The following HMGCS2 variants were observed in gnomAD, a reference collection of about 807,000 sequenced individuals.
HMGCS2 encodes the protein hydroxymethylglutaryl-CoA synthase, mitochondrial.
A neutral mutation model predicts 57.4 loss-of-function variants in HMGCS2; 50 were observed. The observed-to-expected ratio is 0.87, with a 90% confidence interval of 0.69 to 1.10. The LOEUF (loss-of-function observed/expected upper bound fraction) is 1.10, where lower values mean the gene tolerates loss of function less well. Ranked by LOEUF, HMGCS2 falls within the 50% of genes least tolerant of loss-of-function variation. The probability of loss-of-function intolerance (pLI) is 0.00; values close to 1 mark genes in which losing one functional copy is unlikely to be tolerated. For synonymous variants in HMGCS2, 254 were observed against 245.1 expected (o/e 1.04, Z -0.34); for missense variants, 627 against 636.5 (o/e 0.99, Z 0.16).
At chr1:119,759,522 G>A in intron 3 of HMGCS2, 1 of 588,264 alleles carries the variant, frequency 1.7e-6, no homozygotes, top group East Asian at 2.9e-5. Context: ...TAGAATAGAA[G>A]CCAACAGTCT....
In HMGCS2 at chr1:119,753,448, T is replaced by C. The variant is rs770705048; in HGVS notation, c.1188-62A>G. 433 of 615,622 alleles carry C rather than the reference T, an allele frequency of 7.0e-4. 1 individual carries two copies. The highest frequency in any genetic ancestry group is 2.5e-3 in the Admixed American group (103 of 40,472). 38.1% of individuals were successfully genotyped at this position (615,622 alleles called of 1,614,324 possible). The stretch of plus-strand genomic sequence containing the variant: ...ACACACACACACACACACACACACA[T>C]ATATGTATATATATATTATATTCTG... On this transcript the variant is annotated intron_variant, in intron 6 of 9. Transcript: ENST00000369406.
At position 119,759,183 on chromosome 1, in the gene HMGCS2, T is replaced by G; in HGVS notation, c.785A>C (p.Tyr262Ser). The change falls in exon 4 of 10, where the codon TAC (tyrosine) becomes TCC (serine). Residue 262 changes from tyrosine to serine, a missense_variant. By Grantham distance (144) the Tyr-to-Ser change is moderately radical. Transcript: ENST00000369406. ...GTAACATCGATCCAAGGCCCGCAAG[T>G]AGCACTGGATGGAAAGCTTCCCATC... The part of the protein sequence containing the change: ...IVDGKLSIQC[Y>S]LRALDRCYTS... The G allele has an allele frequency of 6.2e-7, 1 of 1,614,136 alleles. No individual in the cohort carries two copies. Among genetic ancestry groups the G allele is most frequent in the Non-Finnish European group, 8.5e-7 (1 of 1,180,014 alleles).
At position 119,755,662 on chromosome 1, in the gene HMGCS2, A is replaced by G. The variant is rs1652813164; in HGVS notation, c.1017-65T>C. The G allele has an allele frequency of 2.0e-6, 3 of 1,468,670 alleles. No individual in the cohort carries two copies. The African/African-American group carries it at 4.2e-5, about 20-fold the overall frequency. 91.0% of individuals were successfully genotyped at this position (1,468,670 alleles called of 1,614,324 possible). On this transcript the variant is annotated intron_variant, in intron 5 of 9. Coordinates refer to ENST00000369406, the MANE Select transcript of HMGCS2 (RefSeq NM_005518.4). ...GACGGGAGGCAGGGAGCAAGGGGGAAAAGTAACAGCTTCTGGAGAGGACTT... is the reference window on the plus strand; with the variant it reads ...GACGGGAGGCAGGGAGCAAGGGGGAGAAGTAACAGCTTCTGGAGAGGACTT...
intron 9 of HMGCS2, among the ~76,000 whole-genome samples, chr1:119,749,538 G>C (rs1488226581): frequency 6.6e-6 from 1 of 152,112 alleles, no homozygotes; most frequent in African/African-American, 2.4e-5. Flanking sequence ...ACAGTCTTCA[G>C]GGCTGCTAAC....
intron 5 of HMGCS2, 63 bp downstream of exon 5, chr1:119,757,210 T>C (rs915171128): frequency 6.2e-7 from 1 of 1,612,410 alleles, no homozygotes; most frequent in African/African-American, 1.3e-5. Context: ...ACTTAAGGCA[T>C]GAAGAAGCCT....
chr1:119,757,552 C>A, intron 4 of HMGCS2, 114 bp from the exon 5 acceptor site: 1 of 1,546,870 alleles, frequency 6.5e-7, no homozygotes, highest in South Asian at 1.2e-5. Context: ...AACTACTTCC[C>A]ACCTCCTGCA....
intron 9 of HMGCS2, among the ~76,000 whole-genome samples, chr1:119,749,607 G>A (rs1192231638): frequency 6.6e-6 from 1 of 152,002 alleles, no homozygotes; most frequent in African/African-American, 2.4e-5. Flanking sequence ...ACCTCTCCTA[G>A]CCCTAACAAC....
intron 5 of HMGCS2, 142 bp from the exon 6 acceptor site, chr1:119,755,739 A>G (rs74926350): frequency 2.2e-4 from 180 of 803,232 alleles, no homozygotes; most frequent in Non-Finnish European, 3.2e-4. Flanking sequence ...AGTACAGAGG[A>G]GAACATACCA....
intron 1 of HMGCS2, among the ~76,000 whole-genome samples, chr1:119,765,370 G>A (rs1653192562): frequency 6.6e-6 from 1 of 152,206 alleles, no homozygotes; most frequent in Admixed American, 6.5e-5. Context: ...GGGATTACAG[G>A]CGTGAGCCAC....
chr1:119,761,570 C>A (rs587746822), intron 2 of HMGCS2, among the ~76,000 whole-genome samples: 1 of 152,122 alleles, frequency 6.6e-6, no homozygotes, highest in African/African-American at 2.4e-5. Flanking sequence ...TCAAGACTAT[C>A]CTGGCTAACA....
At position 119,764,471 on chromosome 1, in the gene HMGCS2, C is replaced by G; in HGVS notation, c.260G>C (p.Gly87Ala). ...NNVEAGKYTV[G>A]LGQTRMGFCS... ...GAAGCCCATACGGGTCTGGCCCAAG[C>G]CCACTGTATACTTTCCTGCTTCCAC... The change falls in exon 2 of 10, where the codon GGC (glycine) becomes GCC (alanine). Residue 87 changes from glycine to alanine, a missense_variant. Gly to Ala is a moderately conservative substitution (Grantham distance 60). Transcript: ENST00000369406. 1 of 1,612,602 alleles carries G rather than the reference C, an allele frequency of 6.2e-7. No homozygotes were observed. The highest frequency in any genetic ancestry group is 8.5e-7 in the Non-Finnish European group (1 of 1,178,752).
At chr1:119,750,651 A>G (rs1475934325) in intron 9 of HMGCS2, 146 bp downstream of exon 9, 3 of 688,968 alleles carry the variant, frequency 4.4e-6, no homozygotes, top group East Asian at 5.5e-5. Flanking sequence ...AATTCCACAG[A>G]TAATTCTCCC....
chr1:119,750,407 C>G (rs1652612738), intron 9 of HMGCS2, among the ~76,000 whole-genome samples: 1 of 152,238 alleles, frequency 6.6e-6, no homozygotes, highest in Non-Finnish European at 1.5e-5. Flanking sequence ...AGCTTCCTAT[C>G]TTCAGCAGAT....
intron 1 of HMGCS2, 72 bp from the exon 2 acceptor site, chr1:119,764,698 C>A: frequency 9.3e-7 from 1 of 1,077,982 alleles, no homozygotes; most frequent in Non-Finnish European, 1.4e-6. Flanking sequence ...AGTAACATAG[C>A]AATCATTTAA....
chr1:119,763,440 T>C (rs746571805), intron 2 of HMGCS2, among the ~76,000 whole-genome samples: 1 of 152,214 alleles, frequency 6.6e-6, no homozygotes, highest in East Asian at 1.9e-4. Flanking sequence ...TCAGTCCTCT[T>C]ATAAGTTAAG....
In HMGCS2 at chr1:119,750,724, T is replaced by G. The variant is rs1462914659; in HGVS notation, c.*5+73A>C. The G allele has an allele frequency of 4.2e-6, 4 of 947,640 alleles. No individual in the cohort carries two copies. In the African/African-American group the frequency reaches 6.4e-5, roughly 15 times the overall value. The allele number at this position is 947,640 out of a possible 1,614,324, so 58.7% of individuals were successfully genotyped here. On this transcript the variant is annotated intron_variant, in intron 9 of 9. Coordinates refer to ENST00000369406, the MANE Select transcript of HMGCS2 (RefSeq NM_005518.4). Reference sequence around the variant, plus strand: ...TCTTCTCCCTGCACCTGTCCCCACCTTCTCTCTCTGTGTTGTTACTCAGAG... The same window carrying G: ...TCTTCTCCCTGCACCTGTCCCCACCGTCTCTCTCTGTGTTGTTACTCAGAG...
chr1:119,752,924 C>A (rs1207942564), intron 7 of HMGCS2, among the ~76,000 whole-genome samples: 1 of 152,166 alleles, frequency 6.6e-6, no homozygotes, highest in Non-Finnish European at 1.5e-5. Context: ...ACATCAATCA[C>A]AAAATAATCA....
At chr1:119,758,930 C>G (rs1433741227) in intron 4 of HMGCS2, among the ~76,000 whole-genome samples, 188 bp downstream of exon 4, 1 of 152,226 alleles carries the variant, frequency 6.6e-6, no homozygotes, top group Non-Finnish European at 1.5e-5. Flanking sequence ...AATTTTACAC[C>G]TGAAGTTGAA....
chr1:119,755,646 C>A (rs1280280520), intron 5 of HMGCS2, 49 bp from the exon 6 acceptor site: 8 of 1,583,712 alleles, frequency 5.1e-6, no homozygotes, highest in Non-Finnish European at 6.9e-6. Flanking sequence ...GGACGGGAGG[C>A]AGGGAGCAAG....
Sources: gnomAD v4.1 joint callset for allele counts (sites outside exome capture counted in the v4.1 genomes callset) on GRCh38, gnomAD v4.1.1 for gene constraint, MANE v1.5 for transcripts, NCBI Gene and HGNC (gene_info 2026-07-23, HGNC 2026-07-21) for gene names.